The following PLXNC1 variants were observed in gnomAD, a reference collection of about 807,000 sequenced individuals.
PLXNC1 encodes plexin-C1.
In PLXNC1, 75 loss-of-function variants were observed where a neutral mutation model predicts 178.2. That is an observed-to-expected ratio of 0.42 (90% CI 0.35 to 0.51). The LOEUF is 0.51. PLXNC1 is among the 20% of genes least tolerant of loss of function. The pLI, the probability that PLXNC1 is intolerant of heterozygous loss-of-function variation, is 0.02. For synonymous variants in PLXNC1, 790 were observed against 779.9 expected (o/e 1.01, Z -0.22); for missense variants, 1,503 against 1,984.4 (o/e 0.76, Z 4.61).
At position 94,290,306 on chromosome 12, in the gene PLXNC1, A is replaced by AG. The variant is rs138348819; in HGVS notation, c.3880-4175dup. 2.0e-3 allele frequency among the ~76,000 whole-genome samples: 305 copies of AG among 152,354 alleles called. 6 individuals are homozygous for AG. The East Asian group carries it at 0.053, about 26-fold the overall frequency. ...TAAACTCGGTGTCTGAGTATTGCTAAGGGGGTGCCTGCACAGAGCATTTAG... is the reference window on the plus strand; with the variant it reads ...TAAACTCGGTGTCTGAGTATTGCTAAGGGGGGTGCCTGCACAGAGCATTTAG... On this transcript the variant is annotated intron_variant, in intron 23 of 30. Coordinates refer to ENST00000258526, the MANE Select transcript of PLXNC1 (RefSeq NM_005761.3).
intron 5 of PLXNC1, among the ~76,000 whole-genome samples, chr12:94,213,741 G>A (rs1963560658): frequency 6.6e-6 from 1 of 152,148 alleles, no homozygotes; most frequent in South Asian, 2.1e-4. Context: ...CCTATGTCCT[G>A]AATGGTATTG....
At chr12:94,252,070 T>C (rs1319792832) in intron 15 of PLXNC1, among the ~76,000 whole-genome samples, 2 of 152,218 alleles carry the variant, frequency 1.3e-5, no homozygotes, top group African/African-American at 2.4e-5. Context: ...ACAGATGGTA[T>C]CTTGGGATTT....
chr12:94,229,940 T>C (rs7138305), intron 9 of PLXNC1, among the ~76,000 whole-genome samples: 50,127 of 152,178 alleles, frequency 0.33, 8,445 homozygotes, highest in East Asian at 0.43. Context: ...TAATACTTAA[T>C]ATCTTTTACC....
At chr12:94,153,728 G>A (rs77017325) in intron 1 of PLXNC1, among the ~76,000 whole-genome samples, 1,568 of 152,248 alleles carry the variant, frequency 0.01, 28 homozygotes, top group African/African-American at 0.036. Flanking sequence ...TTGTTCTCTA[G>A]TTCATTCTAC....
chr12:94,297,810 T>C (rs1968081059), intron 26 of PLXNC1, among the ~76,000 whole-genome samples: 2 of 152,238 alleles, frequency 1.3e-5, no homozygotes, highest in Admixed American at 1.3e-4. Flanking sequence ...GAAGGGTCAA[T>C]GACTATAAAC....
At chr12:94,255,339 A>G (rs759365980) in intron 17 of PLXNC1, 43 bp downstream of exon 17, 9 of 1,273,506 alleles carry the variant, frequency 7.1e-6, no homozygotes, top group Non-Finnish European at 1.0e-5. Context: ...AGTCTTGAAT[A>G]ATAATGAAGG....
At chr12:94,296,750 T>A (rs1967959545) in intron 24 of PLXNC1, among the ~76,000 whole-genome samples, 1 of 152,246 alleles carries the variant, frequency 6.6e-6, no homozygotes, top group Admixed American at 6.5e-5. Flanking sequence ...AGCATATAAT[T>A]CTCCTTCATA....
chr12:94,189,584 G>A (rs1385925653), intron 4 of PLXNC1, among the ~76,000 whole-genome samples: 1 of 152,078 alleles, frequency 6.6e-6, no homozygotes, highest in Non-Finnish European at 1.5e-5. Flanking sequence ...GGAGGTTAAG[G>A]TGGGAGGCTT....
intron 22 of PLXNC1, among the ~76,000 whole-genome samples, chr12:94,281,457 C>T (rs1405253489): frequency 5.9e-5 from 9 of 152,160 alleles, no homozygotes; most frequent in Admixed American, 1.3e-4. Flanking sequence ...GGAAAGGACT[C>T]GCCATCCAAG....
intron 3 of PLXNC1, among the ~76,000 whole-genome samples, chr12:94,182,590 T>C (rs193085575): frequency 2.0e-5 from 3 of 151,730 alleles, no homozygotes. Context: ...CTGGGCGTGG[T>C]GGTGCATGCC....
At chr12:94,224,542 C>T (rs1469787021) in intron 7 of PLXNC1, among the ~76,000 whole-genome samples, 2 of 152,124 alleles carry the variant, frequency 1.3e-5, no homozygotes, top group Non-Finnish European at 2.9e-5. Flanking sequence ...ATCCCCTGTG[C>T]TTAAGTGTTC....
chr12:94,287,756 A>G (rs1966868808), intron 23 of PLXNC1, among the ~76,000 whole-genome samples: 1 of 152,204 alleles, frequency 6.6e-6, no homozygotes, highest in South Asian at 2.1e-4. Context: ...CATCTGTGAC[A>G]CTAAAAGGGA....
intron 2 of PLXNC1, among the ~76,000 whole-genome samples, chr12:94,171,342 C>T (rs549792481): frequency 1.4e-4 from 21 of 152,304 alleles, no homozygotes; most frequent in African/African-American, 5.1e-4. Flanking sequence ...GTTTGAATAA[C>T]AAAGGCAGCT....
chr12:94,272,986 G>A (rs542350910), intron 21 of PLXNC1, among the ~76,000 whole-genome samples: 94 of 152,242 alleles, frequency 6.2e-4, no homozygotes, highest in South Asian at 1.2e-3. Flanking sequence ...TGGCCTCTTC[G>A]CTTCGCAGCC....
chr12:94,163,336 C>T (rs967748036), intron 1 of PLXNC1, among the ~76,000 whole-genome samples: 37 of 152,024 alleles, frequency 2.4e-4, no homozygotes, highest in African/African-American at 8.7e-4. Context: ...CCAGCCTGGG[C>T]GACACAGTGA....
chr12:94,266,067 G>GGAA (rs1350638962), intron 21 of PLXNC1, among the ~76,000 whole-genome samples: 1 of 152,198 alleles, frequency 6.6e-6, no homozygotes, highest in African/African-American at 2.4e-5. Context: ...TAGTGGAGGA[G>GGAA]GAAAAGATTA....
At chr12:94,188,566 C>T (rs113544176) in intron 4 of PLXNC1, among the ~76,000 whole-genome samples, 1,997 of 152,210 alleles carry the variant, frequency 0.013, 38 homozygotes, top group African/African-American at 0.045. Context: ...TCAGGTGATC[C>T]GCCTGCCTCA....
chr12:94,253,958 C>T (rs952824828), intron 15 of PLXNC1, among the ~76,000 whole-genome samples: 2 of 145,808 alleles, frequency 1.4e-5, no homozygotes, highest in African/African-American at 4.9e-5. Context: ...GAATTACAGA[C>T]GTAAGCCCCC....
intron 2 of PLXNC1, among the ~76,000 whole-genome samples, chr12:94,177,111 G>GTA (rs1162713981): frequency 7.4e-6 from 1 of 135,198 alleles, no homozygotes; most frequent in African/African-American, 2.9e-5. Context: ...ATGTGTGTGT[G>GTA]TATATATGTG....
Sources: gnomAD v4.1 joint callset for allele counts (sites outside exome capture counted in the v4.1 genomes callset) on GRCh38, gnomAD v4.1.1 for gene constraint, MANE v1.5 for transcripts, NCBI Gene and HGNC (gene_info 2026-07-23, HGNC 2026-07-21) for gene names.